HEATR5B: variants seen among roughly 807,000 people sequenced by gnomAD.
The protein encoded by HEATR5B is HEAT repeat-containing protein 5B.
HEATR5B carries 156 observed loss-of-function variants against 224.1 expected under a neutral mutation model. That is an observed-to-expected ratio of 0.70 (90% CI 0.61 to 0.80). The LOEUF (loss-of-function observed/expected upper bound fraction) is 0.80. Ranked by LOEUF, HEATR5B falls within the 30% of genes least tolerant of loss-of-function variation. The pLI is 0.00. For synonymous variants in HEATR5B, 1,027 were observed against 893.0 expected, an observed-to-expected ratio of 1.15 and a Z score of -2.68; for missense variants, 2,323 against 2,535.5, an observed-to-expected ratio of 0.92 and a Z score of 1.80.
At chr2:37,002,693 T>C (rs1667172036) in intron 31 of HEATR5B, 121 bp from the exon 32 acceptor site, 2 of 953,732 alleles carry the variant, frequency 2.1e-6, no homozygotes, top group Admixed American at 5.1e-5. Context: ...ATGTCACACG[T>C]CCTTCTCTGT....
chr2:37,057,495 T>C lies in HEATR5B; in HGVS notation c.2060-15A>G. 6.4e-7 allele frequency: 1 copy of C among 1,573,436 alleles called. No homozygotes were observed. ...ATTAAAAGATCCTAAAAAACAGAAC[T>C]TCAGATCAGATTAAAAAGAATAATT... On this transcript the variant is annotated splice_polypyrimidine_tract_variant and intron_variant, in intron 14 of 35. Coordinates refer to ENST00000233099, the MANE Select transcript of HEATR5B (RefSeq NM_019024.3).
intron 27 of HEATR5B, among the ~76,000 whole-genome samples, chr2:37,010,866 G>A (rs1377875043): frequency 3.3e-5 from 5 of 151,758 alleles, no homozygotes; most frequent in African/African-American, 1.2e-4. Context: ...TTACTAGGTA[G>A]GCACCTTTTG....
chr2:37,053,670 C>T (rs994326251), intron 16 of HEATR5B, 63 bp from the exon 17 acceptor site: 16 of 948,456 alleles, frequency 1.7e-5, no homozygotes, highest in South Asian at 6.0e-5. Flanking sequence ...GGCTCAAAAA[C>T]GGATAAGAAG....
chr2:37,073,362 T>A (rs916056316), intron 5 of HEATR5B, among the ~76,000 whole-genome samples: 1 of 152,176 alleles, frequency 6.6e-6, no homozygotes, highest in Non-Finnish European at 1.5e-5. Context: ...ATCATCTCAA[T>A]AGATGCTGAA....
chr2:37,052,069 A>G (rs554531666), intron 17 of HEATR5B, among the ~76,000 whole-genome samples: 33 of 152,256 alleles, frequency 2.2e-4, no homozygotes, highest in African/African-American at 7.7e-4. Context: ...ATCAATGCCT[A>G]TATATATCCT....
chr2:37,032,832 T>C lies in HEATR5B; in HGVS notation c.3217-59A>G, dbSNP rs563420554. ...TTAAAAAGCTGTAATTCTTTAATCT[T>C]ATTTGCCCAATGAATATATATATAC... On this transcript the variant is annotated intron_variant, in intron 21 of 35. Transcript: ENST00000233099. 1.2e-4 allele frequency: 168 copies of C among 1,450,724 alleles called. 1 individual carries two copies. In the South Asian group the frequency reaches 1.7e-3, roughly 15 times the overall value. 89.9% of individuals were successfully genotyped at this position (1,450,724 alleles called of 1,614,324 possible).
intron 4 of HEATR5B, 45 bp from the exon 5 acceptor site, chr2:37,075,679 A>G (rs1310469389): frequency 2.0e-6 from 3 of 1,507,718 alleles, no homozygotes; most frequent in African/African-American, 2.8e-5. Context: ...AATAAATTCC[A>G]TATTTAAACA....
At chr2:37,022,341 G>C (rs570734043) in intron 24 of HEATR5B, among the ~76,000 whole-genome samples, 27 of 152,246 alleles carry the variant, frequency 1.8e-4, no homozygotes, top group Non-Finnish European at 3.4e-4. Flanking sequence ...ACCACGCCCA[G>C]CTAATTGTTG....
chr2:37,047,182 A>T (rs79920343), intron 18 of HEATR5B, among the ~76,000 whole-genome samples: 9,635 of 151,912 alleles, frequency 0.063, 504 homozygotes, highest in African/African-American at 0.14. Flanking sequence ...CATCTCAAAA[A>T]AAAAAAATAA....
chr2:37,037,804 T>C, intron 21 of HEATR5B, 51 bp downstream of exon 21: 1 of 1,341,278 alleles, frequency 7.5e-7, no homozygotes, highest in Non-Finnish European at 9.7e-7. Flanking sequence ...TTTTTAAATG[T>C]AAAATAAAAT....
chr2:37,006,313 C>G (rs186818904), intron 29 of HEATR5B, among the ~76,000 whole-genome samples: 2 of 152,274 alleles, frequency 1.3e-5, no homozygotes, highest in Admixed American at 6.5e-5. Flanking sequence ...CATAAGATCA[C>G]TAAAAGCTTC....
chr2:37,050,439 C>T (rs1431610071), intron 17 of HEATR5B, among the ~76,000 whole-genome samples: 2 of 152,148 alleles, frequency 1.3e-5, no homozygotes, highest in East Asian at 1.9e-4. Context: ...TTAAAAGTTA[C>T]TTCCATATAT....
intron 2 of HEATR5B, among the ~76,000 whole-genome samples, chr2:37,080,161 G>A (rs1422878280): frequency 1.3e-5 from 2 of 152,304 alleles, no homozygotes; most frequent in Middle Eastern, 3.4e-3. Flanking sequence ...TGGAGTAAGA[G>A]AAAGTAGTAA....
chr2:37,009,780 CTT>C (rs1333708477), intron 27 of HEATR5B, among the ~76,000 whole-genome samples: 49 of 132,940 alleles, frequency 3.7e-4, no homozygotes, highest in Admixed American at 6.1e-4. Context: ...CCCGCCTCCA[CTT>C]TTTTTTTTTT....
chr2:36,983,449 G>A (rs925268591), intron 35 of HEATR5B, among the ~76,000 whole-genome samples: 33 of 152,168 alleles, frequency 2.2e-4, no homozygotes, highest in African/African-American at 7.0e-4. Flanking sequence ...TGAGGCAGGA[G>A]AATCGCTTGA....
chr2:37,069,027 G>T, intron 7 of HEATR5B, 97 bp from the exon 8 acceptor site: 1 of 1,241,226 alleles, frequency 8.1e-7, no homozygotes, highest in Non-Finnish European at 1.1e-6. Flanking sequence ...ACAGCATGCT[G>T]AATGAATTGT....
intron 24 of HEATR5B, 133 bp downstream of exon 24, chr2:37,027,790 G>A: frequency 3.4e-6 from 3 of 874,336 alleles, no homozygotes; most frequent in African/African-American, 1.7e-5. Flanking sequence ...AAGATGAAAG[G>A]CAAGAGAACT....
rs1667031992 is a variant in HEATR5B, at chr2:37,000,676, A to C, written c.5455T>G (p.Ser1819Ala). 6.2e-7 allele frequency: 1 copy of C among 1,614,058 alleles called. No individual in the cohort carries two copies. The highest frequency in any genetic ancestry group is 1.7e-5 in the Admixed American group (1 of 60,000). ...ACGCCAGCCTCAGTTTTGGCCATTG[A>C]AAGTGTCACAATACTTTTAATCCCT... is the stretch of plus-strand genomic sequence containing the variant. ...LQGIKSIVTL[S>A]MAKTEAGVQK... Residue 1819 changes from serine to alanine, a missense_variant, in exon 33 of 36, where the codon TCA becomes GCA. By Grantham distance (99) the Ser-to-Ala change is moderately conservative. Transcript: ENST00000233099.
At chr2:37,038,095 C>G (rs1669623456) in intron 20 of HEATR5B, 71 bp from the exon 21 acceptor site, 2 of 1,020,238 alleles carry the variant, frequency 2.0e-6, no homozygotes, top group Middle Eastern at 3.1e-4. Flanking sequence ...TCCTAGTAAA[C>G]AATTATCCTC....
Sources: gnomAD v4.1 joint callset for allele counts (sites outside exome capture counted in the v4.1 genomes callset) on GRCh38, gnomAD v4.1.1 for gene constraint, MANE v1.5 for transcripts, NCBI Gene and HGNC (gene_info 2026-07-23, HGNC 2026-07-21) for gene names.